RALGPS2: variants seen among roughly 807,000 people sequenced by gnomAD.
RALGPS2 encodes Ral GEF with PH domain and SH3 binding motif 2.
A neutral mutation model predicts 86.8 loss-of-function variants in RALGPS2; 43 were observed. The observed-to-expected ratio is 0.50, with a 90% confidence interval of 0.39 to 0.64. The LOEUF (loss-of-function observed/expected upper bound fraction) is 0.64, where lower values mean the gene tolerates loss of function less well. Among genes scored for constraint, RALGPS2 ranks in the 30% least tolerant of loss-of-function variants. The pLI is 0.00. For missense variants in RALGPS2, 536 were observed against 694.6 expected, an observed-to-expected ratio of 0.77 and a Z score of 2.57; for synonymous variants, 243 against 231.3, an observed-to-expected ratio of 1.05 and a Z score of -0.46.
Position 178,864,301 on chromosome 1 carries a change from T to C in RALGPS2, c.608-13197T>C, listed in dbSNP as rs140909147. Among the ~76,000 whole-genome samples, 942 of 152,238 alleles carry C rather than the reference T, an allele frequency of 6.2e-3. 6 individuals carry two copies. Among genetic ancestry groups the C allele is most frequent in the Non-Finnish European group, 9.0e-3 (613 of 68,006 alleles). On this transcript the variant is annotated intron_variant, in intron 8 of 19. Transcript: ENST00000367635. ...AGTTTTTTTTTATAATAATGAACAT[T>C]TATATTTCTTAGGATACACAGTACT...
At chr1:178,818,308 C>T (rs577250016) in intron 6 of RALGPS2, among the ~76,000 whole-genome samples, 9 of 152,118 alleles carry the variant, frequency 5.9e-5, no homozygotes, top group African/African-American at 1.7e-4. Context: ...TGCAGTGAGC[C>T]GAGATCATGC....
intron 5 of RALGPS2, among the ~76,000 whole-genome samples, chr1:178,810,643 T>C (rs1209749399): frequency 6.6e-6 from 1 of 152,038 alleles, no homozygotes; most frequent in African/African-American, 2.4e-5. Context: ...ATGTATACTT[T>C]ATATTTACAT....
At chr1:178,889,853 T>C (rs1424819726) in intron 14 of RALGPS2, among the ~76,000 whole-genome samples, 157 bp downstream of exon 14, 2 of 152,020 alleles carry the variant, frequency 1.3e-5, no homozygotes, top group African/African-American at 4.8e-5. Context: ...AGTTTGGATA[T>C]GTAAGTAATG....
At chr1:178,844,080 A>G (rs992067027) in intron 8 of RALGPS2, among the ~76,000 whole-genome samples, 1 of 152,216 alleles carries the variant, frequency 6.6e-6, no homozygotes, top group African/African-American at 2.4e-5. Flanking sequence ...TAAATGCTGT[A>G]CATTTGATAG....
chr1:178,863,745 A>G (rs1177330156), intron 8 of RALGPS2, among the ~76,000 whole-genome samples: 4 of 152,194 alleles, frequency 2.6e-5, no homozygotes, highest in Admixed American at 2.6e-4. Context: ...AAGGCATAGA[A>G]GGAAGAAGAT....
At position 178,829,299 on chromosome 1, in the gene RALGPS2, G is replaced by T. The variant is rs112201660; in HGVS notation, c.481-4125G>T. On this transcript the variant is annotated intron_variant, in intron 7 of 19. Transcript: ENST00000367635. ...CAAAGTTTCAGTTATGTAGAACAGGGGTCCCCAAACCCCGGGCTGCTGACC... is the reference window on the plus strand; with the variant it reads ...CAAAGTTTCAGTTATGTAGAACAGGTGTCCCCAAACCCCGGGCTGCTGACC... 1.3e-3 allele frequency among the ~76,000 whole-genome samples: 191 copies of T among 152,290 alleles called. 1 individual carries two copies. The highest frequency in any genetic ancestry group is 4.2e-3 in the African/African-American group (175 of 41,568).
At chr1:178,835,473 A>G (rs997336006) in intron 8 of RALGPS2, among the ~76,000 whole-genome samples, 2 of 149,342 alleles carry the variant, frequency 1.3e-5, no homozygotes, top group African/African-American at 5.0e-5. Flanking sequence ...GCTCACTGCA[A>G]CCTCCGCCTC....
chr1:178,766,560 C>T (rs1055893179), intron 1 of RALGPS2, among the ~76,000 whole-genome samples: 1 of 152,080 alleles, frequency 6.6e-6, no homozygotes, highest in Non-Finnish European at 1.5e-5. Flanking sequence ...GAGAACTAAC[C>T]AATACATAGG....
At chr1:178,727,904 GA>G (rs1381681506) in intron 1 of RALGPS2, among the ~76,000 whole-genome samples, 1 of 152,188 alleles carries the variant, frequency 6.6e-6, no homozygotes, top group African/African-American at 2.4e-5. Context: ...AAAAGTTTAA[GA>G]AGTAGAAACT....
chr1:178,805,404 G>A (rs990955432), intron 4 of RALGPS2, among the ~76,000 whole-genome samples: 3 of 151,414 alleles, frequency 2.0e-5, no homozygotes, highest in Non-Finnish European at 4.4e-5. Context: ...GGGTTTTTAT[G>A]GTTTTAGGTC....
intron 4 of RALGPS2, among the ~76,000 whole-genome samples, chr1:178,802,032 G>C (rs768598905): frequency 8.6e-5 from 13 of 152,014 alleles, no homozygotes; most frequent in Admixed American, 2.0e-4. Flanking sequence ...ACAATAATCA[G>C]AACTACACTT....
At chr1:178,849,985 C>G (rs1428476809) in intron 8 of RALGPS2, 1 of 152,588 alleles carries the variant, frequency 6.6e-6, no homozygotes, top group Non-Finnish European at 1.5e-5. Flanking sequence ...GGAAATTGTT[C>G]CAGAAAGTCA....
At chr1:178,876,253 A>G (rs1659001100) in intron 8 of RALGPS2, among the ~76,000 whole-genome samples, 1 of 152,236 alleles carries the variant, frequency 6.6e-6, no homozygotes, top group Admixed American at 6.5e-5. Context: ...TGAAGTCATA[A>G]AAGTCATTAA....
intron 8 of RALGPS2, chr1:178,850,286 A>G (rs1266225285): frequency 6.6e-6 from 1 of 152,628 alleles, no homozygotes; most frequent in East Asian, 1.9e-4. Context: ...GTAAATTAGA[A>G]AAAAAGTAAT....
intron 4 of RALGPS2, among the ~76,000 whole-genome samples, chr1:178,801,450 T>C (rs1311849229): frequency 6.6e-6 from 1 of 152,142 alleles, no homozygotes. Flanking sequence ...ACCCATTTGA[T>C]CCTGTTTCAT....
chr1:178,827,986 C>A (rs1244541477), intron 7 of RALGPS2, among the ~76,000 whole-genome samples: 1 of 152,148 alleles, frequency 6.6e-6, no homozygotes, highest in Non-Finnish European at 1.5e-5. Context: ...AGTACTTAAA[C>A]ATGAGACCTG....
At chr1:178,879,402 G>A (rs1156256392) in intron 10 of RALGPS2, 4 of 153,664 alleles carry the variant, frequency 2.6e-5, no homozygotes, top group Non-Finnish European at 4.3e-5. Context: ...TTGTTTTTGC[G>A]GATTGAGAGA....
chr1:178,822,948 T>C (rs981611690), intron 7 of RALGPS2, among the ~76,000 whole-genome samples: 1 of 152,150 alleles, frequency 6.6e-6, no homozygotes, highest in African/African-American at 2.4e-5. Context: ...GCCTCCCAAG[T>C]AACTGGACTA....
At chr1:178,843,089 GT>G (rs1486439297) in intron 8 of RALGPS2, among the ~76,000 whole-genome samples, 4 of 149,218 alleles carry the variant, frequency 2.7e-5, no homozygotes, top group African/African-American at 9.9e-5. Flanking sequence ...GTGGAAGTCA[GT>G]GTGGCGATTC....
Sources: allele counts gnomAD v4.1 joint callset (sites outside exome capture counted in the v4.1 genomes callset), GRCh38; gene constraint gnomAD v4.1.1; transcripts MANE v1.5; gene names NCBI Gene and HGNC (gene_info 2026-07-23, HGNC 2026-07-21).